The following FYB1 variants were observed in gnomAD, a reference collection of about 807,000 sequenced individuals.
FYB1 encodes FYN binding protein 1, also known as FYN-binding protein 1.
In FYB1, 41 loss-of-function variants were observed where a neutral mutation model predicts 94.1. The observed-to-expected ratio is 0.44, with a 90% CI of 0.34 to 0.57. The LOEUF (loss-of-function observed/expected upper bound fraction) is 0.57, where lower values mean the gene tolerates loss of function less well. FYB1 is among the 20% of genes least tolerant of loss of function. FYB1 has a pLI of 0.02. For synonymous variants in FYB1, 367 were observed against 353.2 expected (o/e 1.04, Z -0.44); for missense variants, 1,050 against 976.8 (o/e 1.07, Z -1.00).
At chr5:39,255,694 G>GTA (rs545200659) in intron 1 of FYB1, among the ~76,000 whole-genome samples, 1 of 152,092 alleles carries the variant, frequency 6.6e-6, no homozygotes, top group South Asian at 2.1e-4. Flanking sequence ...ACCCAGAACT[G>GTA]TATACTTTAA....
chr5:39,216,253 T>C (rs1209035495), intron 1 of FYB1, among the ~76,000 whole-genome samples: 1 of 152,210 alleles, frequency 6.6e-6, no homozygotes, highest in East Asian at 1.9e-4. Flanking sequence ...AATTAAACTT[T>C]TTTCGTGTGT....
Position 39,203,004 on chromosome 5 carries a change from C to CA in FYB1, c.-27-18dup. Reference sequence around the variant, plus strand: ...CTTTCCATCCTACAAACATAGGGAACAAAAAATAGCTGAGAGACAAAAGTC... The same window carrying CA: ...CTTTCCATCCTACAAACATAGGGAACAAAAAAATAGCTGAGAGACAAAAGTC... On this transcript the variant is annotated splice_polypyrimidine_tract_variant and intron_variant, in intron 1 of 18. Transcript: ENST00000512982. The CA allele has an allele frequency of 1.2e-6, 2 of 1,601,276 alleles. No individual in the cohort carries two copies. The highest frequency in any genetic ancestry group is 1.1e-5 in the South Asian group (1 of 90,226).
intron 3 of FYB1, among the ~76,000 whole-genome samples, chr5:39,151,343 G>T (rs1182800391): frequency 6.6e-6 from 1 of 152,060 alleles, no homozygotes; most frequent in Non-Finnish European, 1.5e-5. Context: ...AGGCTGGAGT[G>T]CAGTGGCACA....
intron 2 of FYB1, among the ~76,000 whole-genome samples, chr5:39,161,426 C>T (rs898466618): frequency 1.3e-5 from 2 of 152,120 alleles, no homozygotes; most frequent in Non-Finnish European, 2.9e-5. Flanking sequence ...TTACAAGCCT[C>T]AAAGACAACA....
intron 1 of FYB1, among the ~76,000 whole-genome samples, chr5:39,271,660 T>C (rs1258677896): frequency 6.6e-6 from 1 of 152,226 alleles, no homozygotes; most frequent in Non-Finnish European, 1.5e-5. Context: ...AAAATAAAAA[T>C]GTTTTCAAAA....
chr5:39,212,500 C>A (rs1434504147), intron 1 of FYB1, among the ~76,000 whole-genome samples: 1 of 152,110 alleles, frequency 6.6e-6, no homozygotes, highest in Admixed American at 6.5e-5. Context: ...ATCCTCCCTG[C>A]CCTCAACCCT....
chr5:39,261,777 T>C (rs1228745862), intron 1 of FYB1, among the ~76,000 whole-genome samples: 1 of 148,182 alleles, frequency 6.7e-6, no homozygotes, highest in African/African-American at 2.5e-5. Context: ...AAAGAAATAA[T>C]GATGAACATG....
chr5:39,261,372 A>ACACACT (rs1561315947), intron 1 of FYB1, among the ~76,000 whole-genome samples: 2 of 150,660 alleles, frequency 1.3e-5, no homozygotes, highest in Non-Finnish European at 3.0e-5. Context: ...ACACACACAC[A>ACACACT]AAGAAATTGT....
intron 1 of FYB1, among the ~76,000 whole-genome samples, chr5:39,237,875 G>C (rs1168944438): frequency 1.3e-5 from 2 of 152,134 alleles, no homozygotes; most frequent in African/African-American, 4.8e-5. Flanking sequence ...CATCACTCAG[G>C]GAATGCGGAT....
chr5:39,184,835 A>C (rs1249067691), intron 2 of FYB1, among the ~76,000 whole-genome samples: 1 of 152,158 alleles, frequency 6.6e-6, no homozygotes, highest in African/African-American at 2.4e-5. Context: ...TATGCTCTCA[A>C]AAGCAAGAGA....
At chr5:39,138,964 A>G in intron 5 of FYB1, 1 of 546,134 alleles carries the variant, frequency 1.8e-6, no homozygotes, top group South Asian at 2.2e-5. Flanking sequence ...GGGAAAGCAA[A>G]AACAAAATTT....
At chr5:39,153,299 G>T in intron 3 of FYB1, 149 bp downstream of exon 3, 1 of 914,444 alleles carries the variant, frequency 1.1e-6, no homozygotes, top group African/African-American at 1.7e-5. Context: ...TGGCCAGCTC[G>T]GCCAGCTCAG....
intron 1 of FYB1, among the ~76,000 whole-genome samples, chr5:39,230,882 T>C (rs530828267): frequency 0.01 from 1,451 of 144,322 alleles, 9 homozygotes; most frequent in Non-Finnish European, 0.016. Context: ...CACACACATA[T>C]ATATACACAT....
At chr5:39,128,649 T>C (rs1313352085) in intron 10 of FYB1, among the ~76,000 whole-genome samples, 1 of 152,108 alleles carries the variant, frequency 6.6e-6, no homozygotes, top group African/African-American at 2.4e-5. Context: ...ATACCATCTG[T>C]AACAAACTTA....
intron 11 of FYB1, among the ~76,000 whole-genome samples, chr5:39,127,006 C>T (rs1191353687): frequency 2.2e-5 from 3 of 137,810 alleles, no homozygotes; most frequent in Non-Finnish European, 3.0e-5. Context: ...TGCGGTGAGC[C>T]GAGATCGTGC....
In FYB1 at chr5:39,174,767, C is replaced by T. The variant is rs183617480; in HGVS notation, c.1136-21163G>A. Among the ~76,000 whole-genome samples the T allele has an allele frequency of 1.8e-3, 276 of 152,178 alleles. 4 individuals carry two copies. Among genetic ancestry groups the T allele is most frequent in the African/African-American group, 6.1e-3 (254 of 41,504 alleles). ...GTTTAAAAACCTTAAAAAGATAAAA[C>T]ATAAGCATCTTATTTTTGTTAGTGT... On this transcript the variant is annotated intron_variant, in intron 2 of 18. Transcript: ENST00000512982.
intron 3 of FYB1, among the ~76,000 whole-genome samples, chr5:39,141,907 C>T (rs1742223996): frequency 6.6e-6 from 1 of 151,904 alleles, no homozygotes; most frequent in Admixed American, 6.6e-5. Flanking sequence ...AGTTCCAATC[C>T]CTGACTCCTT....
intron 2 of FYB1, among the ~76,000 whole-genome samples, chr5:39,173,688 T>A (rs1745459280): frequency 6.6e-6 from 1 of 152,226 alleles, no homozygotes. Context: ...GTATCATTTA[T>A]TGAAAAGGGA....
rs754545241 is a variant in FYB1, at chr5:39,135,019, A to G, written c.1516-5T>C. Reference sequence around the variant, plus strand: ...GACTTGAATAGGGCCTGTTAGCTGCAAAGAGAAAAAAATAGTCACAAAAGA... The same window carrying G: ...GACTTGAATAGGGCCTGTTAGCTGCGAAGAGAAAAAAATAGTCACAAAAGA... On this transcript the variant is annotated splice_polypyrimidine_tract_variant and splice_region_variant and intron_variant, in intron 7 of 18. Transcript: ENST00000512982. The G allele has an allele frequency of 2.2e-5, 35 of 1,608,720 alleles. No individual in the cohort carries two copies. The Admixed American group carries it at 5.1e-4, about 23-fold the overall frequency.
Sources: allele counts gnomAD v4.1 joint callset (sites outside exome capture counted in the v4.1 genomes callset), GRCh38; gene constraint gnomAD v4.1.1; transcripts MANE v1.5; gene names NCBI Gene and HGNC (gene_info 2026-07-23, HGNC 2026-07-21).